The following UBR2 variants were observed in gnomAD, a reference collection of about 807,000 sequenced individuals.
The protein encoded by UBR2 is E3 ubiquitin-protein ligase UBR2.
In UBR2, 92 loss-of-function variants were observed where a neutral mutation model predicts 247.9. The observed-to-expected ratio is 0.37, with a 90% CI of 0.31 to 0.44. The LOEUF (loss-of-function observed/expected upper bound fraction) is 0.44. Among genes scored for constraint, UBR2 ranks in the 20% least tolerant of loss-of-function variants. UBR2 has a pLI of 1.00. For synonymous variants in UBR2, 672 were observed against 693.5 expected (o/e 0.97, Z 0.49); for missense variants, 1,613 against 2,112.6 (o/e 0.76, Z 4.64).
chr6:42,686,247 C>G (rs1799387385), intron 44 of UBR2, among the ~76,000 whole-genome samples: 1 of 151,540 alleles, frequency 6.6e-6, no homozygotes, highest in Admixed American at 6.6e-5. Flanking sequence ...TGTTTGTGTC[C>G]CTGGGTACTT....
At chr6:42,622,406 T>G (rs932087323) in intron 11 of UBR2, among the ~76,000 whole-genome samples, 3 of 102,812 alleles carry the variant, frequency 2.9e-5, no homozygotes, top group Non-Finnish European at 6.8e-5. Context: ...TTTTGGTGGG[T>G]TTTTTTTTTT....
chr6:42,614,972 A>ACTCTACAGATC, intron 8 of UBR2, 99 bp from the exon 9 acceptor site: 1 of 924,760 alleles, frequency 1.1e-6, no homozygotes, highest in Non-Finnish European at 1.6e-6. Context: ...CTTTAAGAAA[A>ACTCTACAGATC]CATTTAAAAC....
Position 42,652,084 on chromosome 6 carries a change from T to G in UBR2, c.2614+13T>G. 1 of 1,576,938 alleles carries G rather than the reference T, an allele frequency of 6.3e-7. No individual in the cohort carries two copies. The highest frequency in any genetic ancestry group is 8.6e-7 in the Non-Finnish European group (1 of 1,166,006). ...AGAGAAGATACAGGTATTTTTAATCTTTCTGAAAATGTCTTGCCCATCTTT... is the reference window on the plus strand; with the variant it reads ...AGAGAAGATACAGGTATTTTTAATCGTTCTGAAAATGTCTTGCCCATCTTT... On this transcript the variant is annotated intron_variant, in intron 24 of 46. Transcript: ENST00000372901.
chr6:42,615,676 G>A (rs1700649026), intron 9 of UBR2, among the ~76,000 whole-genome samples: 1 of 151,840 alleles, frequency 6.6e-6, no homozygotes. Flanking sequence ...TGTAGTCTCA[G>A]CTACACAGGA....
chr6:42,657,055 C>T (rs1797479700), intron 26 of UBR2, among the ~76,000 whole-genome samples: 1 of 151,690 alleles, frequency 6.6e-6, no homozygotes, highest in South Asian at 2.1e-4. Flanking sequence ...GCCAACATGA[C>T]GAAACCCTGT....
chr6:42,644,365 A>T, intron 19 of UBR2, 29 bp downstream of exon 19: 1 of 1,608,876 alleles, frequency 6.2e-7, no homozygotes, highest in Non-Finnish European at 8.5e-7. Flanking sequence ...AAACCACAAC[A>T]CATTGCTAAA....
At chr6:42,602,621 G>A (rs2151926713) in intron 4 of UBR2, among the ~76,000 whole-genome samples, 1 of 150,952 alleles carries the variant, frequency 6.6e-6, no homozygotes, top group East Asian at 1.9e-4. Context: ...GTGTGTGTGT[G>A]TGTGTATATA....
chr6:42,638,853 A>T (rs1006436609), intron 15 of UBR2, among the ~76,000 whole-genome samples: 1 of 152,180 alleles, frequency 6.6e-6, no homozygotes, highest in Non-Finnish European at 1.5e-5. Flanking sequence ...GTCTCAAAAA[A>T]AAAAAGTCTA....
intron 1 of UBR2, among the ~76,000 whole-genome samples, chr6:42,570,053 T>C (rs1428652588): frequency 1.3e-5 from 1 of 77,072 alleles, no homozygotes. Context: ...AGTTAGCATA[T>C]GTTAGAACTA....
chr6:42,647,306 G>A (rs899314156), intron 21 of UBR2, among the ~76,000 whole-genome samples: 1 of 151,566 alleles, frequency 6.6e-6, no homozygotes, highest in Non-Finnish European at 1.5e-5. Flanking sequence ...TGTCGGCCGG[G>A]CACAGTGGCT....
At chr6:42,664,561 G>T (rs910436817) in intron 32 of UBR2, among the ~76,000 whole-genome samples, 1 of 152,188 alleles carries the variant, frequency 6.6e-6, no homozygotes, top group Non-Finnish European at 1.5e-5. Context: ...AGTTTTAGGA[G>T]TTCAAACTTT....
intron 11 of UBR2, among the ~76,000 whole-genome samples, chr6:42,630,358 T>C (rs1478306020): frequency 6.6e-6 from 1 of 151,770 alleles, no homozygotes; most frequent in Non-Finnish European, 1.5e-5. Flanking sequence ...CTAATTTTTG[T>C]GTTTTTTAGT....
intron 11 of UBR2, among the ~76,000 whole-genome samples, chr6:42,619,224 T>C (rs1794745627): frequency 6.6e-6 from 1 of 151,176 alleles, no homozygotes; most frequent in African/African-American, 2.4e-5. Flanking sequence ...TGAAGTAAAA[T>C]CAGATTGTCA....
intron 44 of UBR2, among the ~76,000 whole-genome samples, chr6:42,686,240 T>G (rs1457892111): frequency 5.9e-5 from 9 of 152,092 alleles, no homozygotes; most frequent in Non-Finnish European, 1.3e-4. Context: ...TCCGCAGTGT[T>G]TGTGTCCCTG....
intron 4 of UBR2, among the ~76,000 whole-genome samples, chr6:42,597,139 C>T (rs1793027124): frequency 6.6e-6 from 1 of 152,134 alleles, no homozygotes; most frequent in Non-Finnish European, 1.5e-5. Flanking sequence ...AGTGGGATGG[C>T]TATCCAACAG....
rs549741980 is a variant in UBR2 at position 42,681,076 on chromosome 6, T to C, written c.4718+1244T>C. ...TACTCGGGAGGCTGAGGCAGGAGAA[T>C]GGCGTGAACCCGGGAGGCGGAGCTT... is the stretch of plus-strand genomic sequence containing the variant. On this transcript the variant is annotated intron_variant, in intron 42 of 46. Transcript: ENST00000372901. Among the ~76,000 whole-genome samples, 9 of 146,034 alleles carry C rather than the reference T, an allele frequency of 6.2e-5. No individual in the cohort carries two copies. The South Asian group carries it at 1.9e-3, about 31-fold the overall frequency.
At chr6:42,602,765 T>TGC (rs983307034) in intron 4 of UBR2, among the ~76,000 whole-genome samples, 18 of 150,784 alleles carry the variant, frequency 1.2e-4, no homozygotes, top group Non-Finnish European at 2.7e-4. Flanking sequence ...TGTGTGCGTG[T>TGC]GTGTGTGTGT....
At chr6:42,619,096 T>C (rs1225294294) in intron 11 of UBR2, among the ~76,000 whole-genome samples, 5 of 152,068 alleles carry the variant, frequency 3.3e-5, no homozygotes, top group Non-Finnish European at 7.4e-5. Context: ...TAATAATTAT[T>C]TATAGCTTAA....
Position 42,666,122 on chromosome 6 carries a change from T to C in UBR2, c.3803-45T>C, listed in dbSNP as rs750407043. 2.0e-6 allele frequency: 3 copies of C among 1,508,280 alleles called. 1 individual carries two copies. Among genetic ancestry groups the C allele is most frequent in the Non-Finnish European group, 2.7e-6 (3 of 1,103,548 alleles). The allele number at this position is 1,508,280 out of a possible 1,614,324, so 93.4% of individuals were successfully genotyped here. On this transcript the variant is annotated intron_variant, in intron 33 of 46. Transcript: ENST00000372901. Reference sequence around the variant, plus strand: ...ACCTATATGGCTGTACTTTTAGGAATATTGTCATCTATTGAATAATAGTAT... The same window carrying C: ...ACCTATATGGCTGTACTTTTAGGAACATTGTCATCTATTGAATAATAGTAT...
Sources: gnomAD v4.1 joint callset for allele counts (sites outside exome capture counted in the v4.1 genomes callset) on GRCh38, gnomAD v4.1.1 for gene constraint, MANE v1.5 for transcripts, NCBI Gene and HGNC (gene_info 2026-07-23, HGNC 2026-07-21) for gene names.